The following KAT2B variants were observed in gnomAD, a reference collection of about 807,000 sequenced individuals.
KAT2B encodes lysine acetyltransferase 2B, also known as histone acetyltransferase KAT2B.
In KAT2B, 36 loss-of-function variants were observed where a neutral mutation model predicts 105.9. That is an observed-to-expected ratio of 0.34 (90% CI 0.26 to 0.45). The LOEUF (loss-of-function observed/expected upper bound fraction) is 0.45, where lower values mean the gene tolerates loss of function less well. Among genes scored for constraint, KAT2B ranks in the 20% least tolerant of loss-of-function variants. The probability of loss-of-function intolerance (pLI) is 1.00; values close to 1 mark genes in which losing one functional copy is unlikely to be tolerated. For synonymous variants in KAT2B, 397 were observed against 377.9 expected (o/e 1.05, Z -0.59); for missense variants, 820 against 1,021.6 (o/e 0.80, Z 2.69).
At chr3:20,073,331 G>C (rs1698360347) in intron 2 of KAT2B, among the ~76,000 whole-genome samples, 2 of 152,160 alleles carry the variant, frequency 1.3e-5, no homozygotes, top group Non-Finnish European at 2.9e-5. Context: ...TAAGGTAGTT[G>C]CTCTTTCCAC....
At chr3:20,090,831 G>A (rs1185152585) in intron 2 of KAT2B, among the ~76,000 whole-genome samples, 1 of 152,070 alleles carries the variant, frequency 6.6e-6, no homozygotes, top group Non-Finnish European at 1.5e-5. Flanking sequence ...ATCTTGTGGG[G>A]TGGGTTCAAG....
At chr3:20,095,611 C>G (rs1012366513) in intron 3 of KAT2B, among the ~76,000 whole-genome samples, 1 of 152,228 alleles carries the variant, frequency 6.6e-6, no homozygotes, top group African/African-American at 2.4e-5. Context: ...GGCTTTTACA[C>G]TTGTATGCAA....
chr3:20,140,099 T>C (rs1370722185), intron 12 of KAT2B, 122 bp from the exon 13 acceptor site: 2 of 647,508 alleles, frequency 3.1e-6, no homozygotes, highest in Admixed American at 2.7e-5. Context: ...CTCTTCAGAA[T>C]AGTACAATGA....
chr3:20,053,165 A>G (rs1189066387), intron 1 of KAT2B, among the ~76,000 whole-genome samples: 1 of 152,140 alleles, frequency 6.6e-6, no homozygotes, highest in Non-Finnish European at 1.5e-5. Flanking sequence ...CCTACAAATC[A>G]AGCAAAGAGG....
chr3:20,125,960 G>A lies in KAT2B; in HGVS notation c.1469G>A (p.Arg490His), dbSNP rs767911128. The A allele has an allele frequency of 1.8e-5, 29 of 1,613,858 alleles. No individual in the cohort carries two copies. Among genetic ancestry groups the A allele is most frequent in the Admixed American group, 6.7e-5 (4 of 59,986 alleles). Residue 490 changes from arginine (R) to histidine (H), a missense_variant, in exon 10 of 18, where the codon CGC becomes CAC. Arg to His is a conservative substitution (Grantham distance 29, BLOSUM62 0). This residue lies in a region of KAT2B where 225 missense variants were observed against 268.1 expected (regional missense o/e 0.84). Transcript: ENST00000263754. ...ARDEAARLEERRGVIEFHVVG... is the reference protein window; with the variant it reads ...ARDEAARLEEHRGVIEFHVVG... The stretch of plus-strand genomic sequence containing the variant: ...GATGAGGCGGCAAGGTTGGAAGAGC[G>A]CAGGGGTGTAATTGAATTTCACGTG...
rs961659733 is a variant in KAT2B, at chr3:20,111,452, T to C, written c.852-144T>C. 11 of 609,544 alleles carry C rather than the reference T, an allele frequency of 1.8e-5. No individual in the cohort carries two copies. The Admixed American group carries it at 2.3e-4, about 13-fold the overall frequency. 37.8% of individuals were successfully genotyped at this position (609,544 alleles called of 1,614,324 possible). ...ATCTAATTGCATTCCCAAGTTTCAC[T>C]AGCTGGCAGGGATATTGTTGCTTGT... On this transcript the variant is annotated intron_variant, in intron 5 of 17. Transcript: ENST00000263754.
At chr3:20,116,705 A>T (rs947276698) in intron 7 of KAT2B, among the ~76,000 whole-genome samples, 1 of 152,092 alleles carries the variant, frequency 6.6e-6, no homozygotes, top group Non-Finnish European at 1.5e-5. Context: ...ACAATAATTG[A>T]TACATTTATT....
intron 13 of KAT2B, among the ~76,000 whole-genome samples, chr3:20,140,785 C>T (rs1248601674): frequency 1.3e-5 from 2 of 152,126 alleles, no homozygotes; most frequent in African/African-American, 4.8e-5. Context: ...AGCCATCGCT[C>T]CTGGCCATAG....
At chr3:20,121,914 GTTA>G (rs1699317689) in intron 8 of KAT2B, among the ~76,000 whole-genome samples, 1 of 151,894 alleles carries the variant, frequency 6.6e-6, no homozygotes, top group African/African-American at 2.4e-5. Context: ...ATGATAGTAA[GTTA>G]TTATGGTTTA....
At chr3:20,094,408 C>T (rs775341503) in intron 2 of KAT2B, among the ~76,000 whole-genome samples, 1 of 152,082 alleles carries the variant, frequency 6.6e-6, no homozygotes, top group African/African-American at 2.4e-5. Flanking sequence ...GTGGGGATTG[C>T]AATTTGAGAT....
At chr3:20,090,611 T>C (rs1180248077) in intron 2 of KAT2B, among the ~76,000 whole-genome samples, 1 of 152,202 alleles carries the variant, frequency 6.6e-6, no homozygotes, top group Non-Finnish European at 1.5e-5. Context: ...TGTTGTGTAT[T>C]TTTGCATCCA....
intron 10 of KAT2B, 60 bp from the exon 11 acceptor site, chr3:20,127,363 C>A: frequency 2.7e-6 from 4 of 1,490,540 alleles, no homozygotes; most frequent in Non-Finnish European, 3.7e-6. Context: ...AGGAACACCC[C>A]AAAAAGTATA....
At chr3:20,146,620 C>T (rs1218436305) in intron 14 of KAT2B, 190 bp downstream of exon 14, 2 of 452,666 alleles carry the variant, frequency 4.4e-6, no homozygotes, top group Non-Finnish European at 8.0e-6. Context: ...ACAAACAAAC[C>T]AAAGGGAGCT....
intron 11 of KAT2B, among the ~76,000 whole-genome samples, chr3:20,130,218 G>A (rs748276622): frequency 4.6e-5 from 7 of 152,160 alleles, no homozygotes; most frequent in Non-Finnish European, 8.8e-5. Context: ...TCGACTCCTA[G>A]CACTAAGCAT....
chr3:20,120,921 G>A (rs1699296627), intron 8 of KAT2B, among the ~76,000 whole-genome samples: 1 of 152,056 alleles, frequency 6.6e-6, no homozygotes, highest in Admixed American at 6.6e-5. Context: ...TTCCAAGGGA[G>A]ATATCACTAA....
intron 15 of KAT2B, 101 bp downstream of exon 15, chr3:20,148,100 A>G: frequency 7.3e-7 from 1 of 1,374,164 alleles, no homozygotes; most frequent in Non-Finnish European, 1.0e-6. Flanking sequence ...TCACTAACAC[A>G]ACAGTTGGTG....
chr3:20,114,854 A>G (rs766728301), intron 6 of KAT2B, 28 bp from the exon 7 acceptor site: 1 of 1,302,414 alleles, frequency 7.7e-7, no homozygotes, highest in Non-Finnish European at 1.1e-6. Context: ...TTTTTTTTTA[A>G]TCTTATTGCT....
chr3:20,045,947 T>G (rs1697801609), intron 1 of KAT2B, among the ~76,000 whole-genome samples: 1 of 152,170 alleles, frequency 6.6e-6, no homozygotes, highest in African/African-American at 2.4e-5. Context: ...GAAAGTCAAG[T>G]AAGAGCAACA....
Position 20,107,008 on chromosome 3 carries a change from TATATATA to T in KAT2B, c.852-4587_852-4581del, listed in dbSNP as rs1408545649. Among the ~76,000 whole-genome samples, 45 of 38,170 alleles carry T rather than the reference TATATATA, an allele frequency of 1.2e-3. No homozygotes were observed. The East Asian group carries it at 0.012, about 10-fold the overall frequency. 25.0% of individuals were successfully genotyped at this position (38,170 alleles called of 152,430 possible). On this transcript the variant is annotated intron_variant, in intron 5 of 17. Coordinates refer to ENST00000263754, the MANE Select transcript of KAT2B (RefSeq NM_003884.5). ...ATATATATATATATATATATATATATATATATATTTTTTTTTTTTTTTTTTTTTTTTT... is the reference window on the plus strand; with the variant it reads ...ATATATATATATATATATATATATATTTTTTTTTTTTTTTTTTTTTTTTTT...
Sources: gnomAD v4.1 joint callset for allele counts (sites outside exome capture counted in the v4.1 genomes callset) on GRCh38, gnomAD v4.1.1 for gene constraint, gnomAD v4.1.1 regional missense constraint, MANE v1.5 for transcripts, NCBI Gene and HGNC (gene_info 2026-07-23, HGNC 2026-07-21) for gene names.